The following DLG2 variants were observed in gnomAD, a reference collection of about 807,000 sequenced individuals.
DLG2 encodes the protein disks large homolog 2.
A neutral mutation model predicts 132.5 loss-of-function variants in DLG2; 45 were observed. The ratio of observed to expected loss-of-function variants is 0.34; its 90% CI spans 0.27 to 0.44. DLG2 has a LOEUF of 0.44. Ranked by LOEUF, DLG2 falls within the 20% of genes least tolerant of loss-of-function variation. DLG2 has a pLI of 1.00. For synonymous variants in DLG2, 424 were observed against 419.6 expected (o/e 1.01, Z -0.13); for missense variants, 1,045 against 1,196.9 (o/e 0.87, Z 1.87).
At chr11:83,940,122 G>C (rs180727284) in intron 14 of DLG2, among the ~76,000 whole-genome samples, 7 of 152,338 alleles carry the variant, frequency 4.6e-5, no homozygotes, top group Admixed American at 1.3e-4. Context: ...ACAAGAGATT[G>C]TTGTAGCACT....
chr11:84,829,963 G>A (rs534862983), intron 6 of DLG2, among the ~76,000 whole-genome samples: 1 of 151,708 alleles, frequency 6.6e-6, no homozygotes, highest in East Asian at 2.0e-4. Context: ...GAGAGTTTAA[G>A]TCATCAATGC....
At chr11:85,430,816 G>T (rs756898720) in intron 3 of DLG2, among the ~76,000 whole-genome samples, 1 of 146,582 alleles carries the variant, frequency 6.8e-6, no homozygotes, top group Non-Finnish European at 1.5e-5. Context: ...AATCATTGTC[G>T]TGAGTTTTTT....
intron 21 of DLG2, among the ~76,000 whole-genome samples, chr11:83,488,642 G>A (rs1287870916): frequency 2.0e-5 from 3 of 151,856 alleles, no homozygotes; most frequent in Non-Finnish European, 4.4e-5. Flanking sequence ...AAGTTTCATA[G>A]TTCTAAAATG....
intron 6 of DLG2, among the ~76,000 whole-genome samples, chr11:84,598,800 G>T (rs541406386): frequency 8.6e-5 from 13 of 151,976 alleles, no homozygotes; most frequent in African/African-American, 2.9e-4. Flanking sequence ...ATTTAGCCGG[G>T]CATGGTGTCA....
At chr11:83,508,883 C>G (rs2139726181) in intron 21 of DLG2, among the ~76,000 whole-genome samples, 2 of 152,328 alleles carry the variant, frequency 1.3e-5, no homozygotes, top group Middle Eastern at 6.8e-3. Context: ...TCTTCCAGGG[C>G]TTAGCAGTTG....
At chr11:84,195,350 A>G (rs1014971521) in intron 8 of DLG2, among the ~76,000 whole-genome samples, 1 of 151,996 alleles carries the variant, frequency 6.6e-6, no homozygotes, top group Non-Finnish European at 1.5e-5. Flanking sequence ...ATTCTAGTAG[A>G]GACGGGGTTT....
At chr11:84,796,409 T>G (rs569509422) in intron 6 of DLG2, among the ~76,000 whole-genome samples, 3 of 152,338 alleles carry the variant, frequency 2.0e-5, no homozygotes, top group African/African-American at 7.2e-5. Flanking sequence ...TCTTTCTACT[T>G]AAGATATTAG....
At chr11:83,699,900 T>C (rs1454765390) in intron 18 of DLG2, among the ~76,000 whole-genome samples, 1 of 149,728 alleles carries the variant, frequency 6.7e-6, no homozygotes, top group Non-Finnish European at 1.5e-5. Flanking sequence ...TATGTATGTA[T>C]GTATGTATCT....
At chr11:85,205,567 T>C (rs2081828764) in intron 4 of DLG2, among the ~76,000 whole-genome samples, 1 of 152,156 alleles carries the variant, frequency 6.6e-6, no homozygotes, top group Non-Finnish European at 1.5e-5. Flanking sequence ...AAAAAACAGA[T>C]AAATGTTTGG....
chr11:83,897,896 C>A (rs1241849405), intron 15 of DLG2, among the ~76,000 whole-genome samples: 1 of 152,088 alleles, frequency 6.6e-6, no homozygotes, highest in Non-Finnish European at 1.5e-5. Context: ...TTATTTAATC[C>A]TCCTGATGGT....
At chr11:85,459,758 T>C (rs1236610140) in intron 3 of DLG2, among the ~76,000 whole-genome samples, 1 of 152,174 alleles carries the variant, frequency 6.6e-6, no homozygotes, top group Non-Finnish European at 1.5e-5. Context: ...GGTTGTGGGC[T>C]GTCTCTGGGA....
Position 85,220,592 on chromosome 11 carries a change from T to G in DLG2, c.186+64628A>C, listed in dbSNP as rs564158864. On this transcript the variant is annotated intron_variant, in intron 4 of 27. Transcript: ENST00000376104. ...TTCCTAGTTTCTACATAGGGTACATTTTGAGCTCCTAAGAGACAAGTTTAT... is the reference window on the plus strand; with the variant it reads ...TTCCTAGTTTCTACATAGGGTACATGTTGAGCTCCTAAGAGACAAGTTTAT... Among the ~76,000 whole-genome samples the G allele has an allele frequency of 7.3e-5, 11 of 151,426 alleles. 1 individual carries two copies. The South Asian group carries it at 2.3e-3, about 32-fold the overall frequency.
chr11:84,061,851 CAAAA>C (rs58817248), intron 10 of DLG2, among the ~76,000 whole-genome samples: 99,739 of 136,030 alleles, frequency 0.73, 37,211 homozygotes, highest in Middle Eastern at 0.9. Context: ...CTCTGATTGA[CAAAA>C]AAAAAAAAAA....
intron 6 of DLG2, among the ~76,000 whole-genome samples, chr11:84,848,242 C>T (rs538249216): frequency 6.6e-6 from 1 of 152,070 alleles, no homozygotes; most frequent in African/African-American, 2.4e-5. Flanking sequence ...GCTTGTAATC[C>T]CAGCACTTTG....
At chr11:84,368,681 T>G (rs1432503467) in intron 7 of DLG2, among the ~76,000 whole-genome samples, 5 of 152,148 alleles carry the variant, frequency 3.3e-5, no homozygotes, top group Non-Finnish European at 7.4e-5. Flanking sequence ...GATTCTGTCT[T>G]ATTATCTATT....
chr11:83,707,969 T>G (rs1254673078), intron 18 of DLG2, among the ~76,000 whole-genome samples: 3 of 152,214 alleles, frequency 2.0e-5, no homozygotes, highest in Admixed American at 2.0e-4. Context: ...TGATCTTGAG[T>G]GAACTATGTA....
chr11:84,935,568 T>A (rs1287639152), intron 6 of DLG2, among the ~76,000 whole-genome samples: 1 of 152,176 alleles, frequency 6.6e-6, no homozygotes, highest in Non-Finnish European at 1.5e-5. Flanking sequence ...ACAGTGGCTG[T>A]CAACCAGGAG....
intron 8 of DLG2, among the ~76,000 whole-genome samples, chr11:84,180,560 G>A (rs57290534): frequency 0.064 from 9,704 of 151,962 alleles, 379 homozygotes; most frequent in African/African-American, 0.097. Flanking sequence ...AAATGACAAA[G>A]CAAACAAACA....
rs114485565 is a variant in DLG2 at position 85,142,768 on chromosome 11, C to T, written c.282+11788G>A. ...GCCACATTTTTTAGCATTTTTGTCA[C>T]GAAGAGATGTTGAATTTTATTGAAT... is the stretch of plus-strand genomic sequence containing the variant. On this transcript the variant is annotated intron_variant, in intron 5 of 27. Coordinates refer to ENST00000376104, the MANE Select transcript of DLG2 (RefSeq NM_001142699.3). 1.1e-3 allele frequency among the ~76,000 whole-genome samples: 160 copies of T among 151,690 alleles called. 1 individual carries two copies. The highest frequency in any genetic ancestry group is 3.6e-3 in the African/African-American group (150 of 41,464).
Sources: allele counts gnomAD v4.1 joint callset (sites outside exome capture counted in the v4.1 genomes callset), GRCh38; gene constraint gnomAD v4.1.1; transcripts MANE v1.5; gene names NCBI Gene and HGNC (gene_info 2026-07-23, HGNC 2026-07-21).